Variants in PDE10A observed in about 807,000 individuals in gnomAD.
PDE10A encodes cAMP and cAMP-inhibited cGMP 3',5'-cyclic phosphodiesterase 10A.
PDE10A carries 39 observed loss-of-function variants against 97.7 expected under a neutral mutation model. That is an observed-to-expected ratio of 0.40 (90% CI 0.31 to 0.52). PDE10A has a LOEUF of 0.52. Ranked by LOEUF, PDE10A falls within the 20% of genes least tolerant of loss-of-function variation. The pLI is 0.56. For missense variants in PDE10A, 731 were observed against 1,047.8 expected, an observed-to-expected ratio of 0.70 and a Z score of 4.17; for synonymous variants, 371 against 376.8, an observed-to-expected ratio of 0.98 and a Z score of 0.18.
At chr6:165,840,116 C>A (rs1407923898) in intron 1 of PDE10A, among the ~76,000 whole-genome samples, 1 of 83,460 alleles carries the variant, frequency 1.2e-5, no homozygotes, top group Non-Finnish European at 2.6e-5. Flanking sequence ...CCACCTTCAT[C>A]CCCATCTCTC....
intron 13 of PDE10A, among the ~76,000 whole-genome samples, chr6:165,398,498 T>A (rs117156829): frequency 0.01 from 288 of 27,866 alleles, 1 homozygote; most frequent in African/African-American, 0.039. Context: ...TCTCTCTCTC[T>A]CAAAAAAAAA....
intron 1 of PDE10A, among the ~76,000 whole-genome samples, chr6:165,716,756 G>GTC (rs1792035426): frequency 6.6e-6 from 1 of 152,172 alleles, no homozygotes; most frequent in African/African-American, 2.4e-5. Context: ...GGCTCTGAGT[G>GTC]TCTAAATGGA....
intron 1 of PDE10A, among the ~76,000 whole-genome samples, chr6:165,652,223 C>T (rs1320841309): frequency 6.6e-6 from 1 of 152,132 alleles, no homozygotes; most frequent in African/African-American, 2.4e-5. Context: ...TTAGCACATC[C>T]AAGAAGCCAT....
Position 165,440,412 on chromosome 6 carries a change from T to C in PDE10A, c.1195-5035A>G, listed in dbSNP as rs374398320. ...TATCCCAAGTAACAAAACTAAAATG[T>C]GTTCTTCCCAGTATGTGGGTAATAA... On this transcript the variant is annotated intron_variant, in intron 5 of 21. Transcript: ENST00000539869. 3.9e-5 allele frequency among the ~76,000 whole-genome samples: 6 copies of C among 152,216 alleles called. No individual in the cohort carries two copies. In the East Asian group the frequency reaches 1.2e-3, roughly 29 times the overall value.
chr6:165,384,691 T>G (rs1297854576), intron 17 of PDE10A, among the ~76,000 whole-genome samples: 11 of 147,106 alleles, frequency 7.5e-5, no homozygotes, highest in African/African-American at 1.5e-4. Flanking sequence ...CGACTAAAGG[T>G]TAGCTTTTCA....
At chr6:165,870,077 C>CA (rs1781158367) in intron 1 of PDE10A, among the ~76,000 whole-genome samples, 1 of 152,020 alleles carries the variant, frequency 6.6e-6, no homozygotes, top group South Asian at 2.1e-4. Flanking sequence ...CCACAGATAA[C>CA]AACAACAAAA....
At chr6:165,379,136 A>G in intron 18 of PDE10A, 58 bp downstream of exon 18, 1 of 1,148,106 alleles carries the variant, frequency 8.7e-7, no homozygotes, top group Non-Finnish European at 1.3e-6. Context: ...TTTCTTAAGT[A>G]TCAATTTATT....
chr6:165,765,625 C>T (rs922952048), intron 1 of PDE10A, among the ~76,000 whole-genome samples: 4 of 152,204 alleles, frequency 2.6e-5, no homozygotes, highest in South Asian at 2.1e-4. Context: ...CCAGCTGGCC[C>T]GCAAGCGCCA....
intron 1 of PDE10A, among the ~76,000 whole-genome samples, chr6:165,719,977 G>A (rs1179102854): frequency 6.6e-6 from 1 of 152,190 alleles, no homozygotes; most frequent in Non-Finnish European, 1.5e-5. Flanking sequence ...AGTCCACAAA[G>A]GTGTGTAAAA....
intron 1 of PDE10A, among the ~76,000 whole-genome samples, chr6:165,782,662 A>G (rs765814749): frequency 2.6e-5 from 4 of 152,226 alleles, no homozygotes; most frequent in Admixed American, 2.6e-4. Flanking sequence ...GTCCATGTAT[A>G]ACGTAGTATT....
chr6:165,770,855 C>T (rs1355708813), intron 1 of PDE10A, among the ~76,000 whole-genome samples: 1 of 152,216 alleles, frequency 6.6e-6, no homozygotes, highest in Non-Finnish European at 1.5e-5. Flanking sequence ...GGCCTGTCCC[C>T]AGGTGCTCCC....
chr6:165,425,279 T>C (rs985975634), intron 10 of PDE10A, among the ~76,000 whole-genome samples: 1 of 152,132 alleles, frequency 6.6e-6, no homozygotes. Context: ...AGACGCCATA[T>C]GCTGAAGATA....
At chr6:165,938,366 T>C (rs1236350433) in intron 1 of PDE10A, among the ~76,000 whole-genome samples, 1 of 152,240 alleles carries the variant, frequency 6.6e-6, no homozygotes, top group African/African-American at 2.4e-5. Context: ...AAAGGCAACA[T>C]CCACTCATAT....
At chr6:165,421,627 T>C (rs1207017365) in intron 10 of PDE10A, among the ~76,000 whole-genome samples, 1 of 152,206 alleles carries the variant, frequency 6.6e-6, no homozygotes, top group African/African-American at 2.4e-5. Context: ...GACAAAGGTA[T>C]GTTATCACAA....
chr6:165,349,367 T>A (rs1051627495), intron 18 of PDE10A, among the ~76,000 whole-genome samples: 1 of 151,138 alleles, frequency 6.6e-6, no homozygotes, highest in African/African-American at 2.4e-5. Flanking sequence ...AAGGTCACTC[T>A]TGCTATGCAA....
At chr6:165,457,323 C>G (rs938550582) in intron 3 of PDE10A, among the ~76,000 whole-genome samples, 3 of 141,736 alleles carry the variant, frequency 2.1e-5, no homozygotes, top group Admixed American at 7.3e-5. Context: ...TAATTCGAGA[C>G]GAGTTAAAAT....
intron 1 of PDE10A, among the ~76,000 whole-genome samples, chr6:165,965,666 G>A (rs188119373): frequency 2.0e-5 from 3 of 152,282 alleles, no homozygotes; most frequent in Admixed American, 2.0e-4. Context: ...GTGGCTTTGG[G>A]TTTATCCTTG....
intron 1 of PDE10A, among the ~76,000 whole-genome samples, chr6:165,720,463 G>A (rs569056135): frequency 2.4e-4 from 36 of 152,226 alleles, no homozygotes; most frequent in Non-Finnish European, 4.4e-4. Flanking sequence ...CGTTCAACTG[G>A]CAACTGTGCA....
chr6:165,500,603 A>G (rs1780812769), intron 2 of PDE10A, among the ~76,000 whole-genome samples: 1 of 152,172 alleles, frequency 6.6e-6, no homozygotes, highest in Non-Finnish European at 1.5e-5. Flanking sequence ...GGTATTGTCC[A>G]AGGTTTCTCC....
Sources: gnomAD v4.1 joint callset for allele counts (sites outside exome capture counted in the v4.1 genomes callset) on GRCh38, gnomAD v4.1.1 for gene constraint, MANE v1.5 for transcripts, NCBI Gene and HGNC (gene_info 2026-07-23, HGNC 2026-07-21) for gene names.